Variants in ANKRD11 observed in about 807,000 individuals in gnomAD.
The protein encoded by ANKRD11 is ankyrin repeat domain 11, also known as ankyrin repeat domain-containing protein 11.
A neutral mutation model predicts 195.7 loss-of-function variants in ANKRD11; 17 were observed. The observed-to-expected ratio is 0.09, with a 90% CI of 0.06 to 0.13. The LOEUF (loss-of-function observed/expected upper bound fraction) is 0.13. Ranked by LOEUF, ANKRD11 falls within the 10% of genes least tolerant of loss-of-function variation. The pLI is 1.00. For synonymous variants in ANKRD11, 1,953 were observed against 1,528.1 expected (o/e 1.28, Z -6.49); for missense variants, 3,735 against 3,566.1 (o/e 1.05, Z -1.21).
chr16:89,370,170 G>A (rs1321045329), intron 2 of ANKRD11, among the ~76,000 whole-genome samples: 1 of 152,204 alleles, frequency 6.6e-6, no homozygotes, highest in Admixed American at 6.5e-5. Context: ...TCTTCCCCAC[G>A]CCCCTCCCTG....
At chr16:89,275,488 A>C (rs1376240178) in intron 9 of ANKRD11, among the ~76,000 whole-genome samples, 1 of 152,196 alleles carries the variant, frequency 6.6e-6, no homozygotes, top group Non-Finnish European at 1.5e-5. Context: ...GAGGGCCTGA[A>C]ACACCGGCAT....
chr16:89,368,371 GTTTTTTTT>G (rs71134210), intron 2 of ANKRD11, among the ~76,000 whole-genome samples: 11 of 56,596 alleles, frequency 1.9e-4, no homozygotes, highest in African/African-American at 3.9e-4. Context: ...TAATTTTTGT[GTTTTTTTT>G]TTTTTTTTTT....
At position 89,280,103 on chromosome 16, in the gene ANKRD11, C is replaced by G. The variant is rs1210721711; in HGVS notation, c.6439G>C (p.Asp2147His). Residue 2147 changes from aspartate (D) to histidine (H), a missense_variant, in exon 9 of 13, where the codon GAT (aspartate) becomes CAT (histidine). Coordinates refer to ENST00000301030, the MANE Select transcript of ANKRD11 (RefSeq NM_013275.6). ...SLPELPLQTK[D>H]AADGEAEPVE... The stretch of plus-strand genomic sequence containing the variant: ...GGTTCCGCTTCACCATCTGCGGCAT[C>G]TTTAGTCTGCAGGGGAAGCTCCGGC... 8 of 1,612,958 alleles carry G rather than the reference C, an allele frequency of 5.0e-6. No individual in the cohort carries two copies. Among genetic ancestry groups the G allele is most frequent in the Non-Finnish European group, 5.1e-6 (6 of 1,179,896 alleles).
At chr16:89,456,133 G>A (rs552782088) in intron 1 of ANKRD11, among the ~76,000 whole-genome samples, 10 of 152,074 alleles carry the variant, frequency 6.6e-5, no homozygotes, top group East Asian at 3.9e-4. Flanking sequence ...CCAGCTACCC[G>A]GGAGGCTAAG....
In ANKRD11 at chr16:89,342,030, CT is replaced by C. The variant is rs1198951159; in HGVS notation, c.-59-24953del. ...CCACGGCGGGAGTGCTGCACCTCCA[CT>C]GCCCACAGCGGCCACGGCCCACGGC... On this transcript the variant is annotated intron_variant, in intron 2 of 12. Coordinates refer to ENST00000301030, the MANE Select transcript of ANKRD11 (RefSeq NM_013275.6). Among the ~76,000 whole-genome samples, 306 of 76,344 alleles carry C rather than the reference CT, an allele frequency of 4.0e-3. 2 individuals are homozygous for C. The highest frequency in any genetic ancestry group is 0.038 in the East Asian group (101 of 2,628). The allele number at this position is 76,344 out of a possible 152,430, so 50.1% of individuals were successfully genotyped here. A position where few individuals can be genotyped will look rare whatever the true frequency, so the allele number is the denominator to read the frequency against.
chr16:89,315,531 C>A (rs936349171), intron 3 of ANKRD11, among the ~76,000 whole-genome samples: 1 of 152,224 alleles, frequency 6.6e-6, no homozygotes, highest in Non-Finnish European at 1.5e-5. Flanking sequence ...AGGCTTCACA[C>A]ACACGTGTGT....
chr16:89,310,300 G>C (rs1174359940), intron 3 of ANKRD11, among the ~76,000 whole-genome samples: 2 of 152,206 alleles, frequency 1.3e-5, no homozygotes, highest in East Asian at 1.9e-4. Flanking sequence ...TCACCCATGG[G>C]TCTGTCCTGC....
At chr16:89,415,130 T>G (rs907834366) in intron 2 of ANKRD11, among the ~76,000 whole-genome samples, 2 of 151,936 alleles carry the variant, frequency 1.3e-5, no homozygotes, top group Non-Finnish European at 2.9e-5. Flanking sequence ...ATTTTTTTAT[T>G]TTTTGTAGAG....
chr16:89,374,330 G>C (rs990853789), intron 2 of ANKRD11, among the ~76,000 whole-genome samples: 2 of 148,514 alleles, frequency 1.3e-5, no homozygotes, highest in Non-Finnish European at 3.0e-5. Flanking sequence ...CTCACCATGT[G>C]TTTTTGTAAA....
At chr16:89,268,911 G>A (rs757833973) in intron 12 of ANKRD11, among the ~76,000 whole-genome samples, 1 of 152,320 alleles carries the variant, frequency 6.6e-6, no homozygotes, top group East Asian at 1.9e-4. Context: ...GGCTCACCCT[G>A]GCCCGGGGGC....
chr16:89,375,007 A>G lies in ANKRD11; in HGVS notation c.-60+43277T>C, dbSNP rs953618814. 3.3e-5 allele frequency among the ~76,000 whole-genome samples: 5 copies of G among 152,166 alleles called. No individual in the cohort carries two copies. In the South Asian group the frequency reaches 6.2e-4, roughly 19 times the overall value. ...TCTATCATTTCCTACCATAAACTAT[A>G]CACAGATTATAAAAAATTAAACGCT... On this transcript the variant is annotated intron_variant, in intron 2 of 12. Coordinates refer to ENST00000301030, the MANE Select transcript of ANKRD11 (RefSeq NM_013275.6).
intron 11 of ANKRD11, chr16:89,271,548 C>T (rs1264992355): frequency 6.2e-6 from 1 of 160,758 alleles, no homozygotes; most frequent in Non-Finnish European, 1.4e-5. Context: ...ACAATGCCGT[C>T]TGTTTCTCAG....
chr16:89,302,643 G>C (rs546031568), intron 4 of ANKRD11, among the ~76,000 whole-genome samples: 36 of 152,290 alleles, frequency 2.4e-4, no homozygotes, highest in African/African-American at 8.4e-4. Flanking sequence ...ATCTTCCTAG[G>C]AAATCTAGTT....
intron 1 of ANKRD11, among the ~76,000 whole-genome samples, chr16:89,453,339 C>T (rs113433145): frequency 4.4e-4 from 67 of 152,262 alleles, no homozygotes; most frequent in African/African-American, 1.5e-3. Flanking sequence ...CAACTTCCAA[C>T]TTAAAATGGA....
At chr16:89,469,024 A>G (rs961449089) in intron 1 of ANKRD11, among the ~76,000 whole-genome samples, 1 of 152,162 alleles carries the variant, frequency 6.6e-6, no homozygotes, top group African/African-American at 2.4e-5. Flanking sequence ...TCAACCTCAT[A>G]AAGTGCCTTT....
At chr16:89,278,417 A>G in intron 9 of ANKRD11, 1 of 416,196 alleles carries the variant, frequency 2.4e-6, no homozygotes, top group Admixed American at 2.5e-5. Context: ...ATTTGGAGGG[A>G]TCTATTTTGG....
chr16:89,271,946 G>A (rs2033193859), intron 11 of ANKRD11: 1 of 151,978 alleles, frequency 6.6e-6, no homozygotes, highest in South Asian at 2.1e-4. Flanking sequence ...CAGTCAACAG[G>A]GTGAAAAGAC....
intron 2 of ANKRD11, among the ~76,000 whole-genome samples, chr16:89,328,569 G>A (rs2037860600): frequency 1.3e-5 from 2 of 150,602 alleles, no homozygotes. Context: ...CCTGCTGAGT[G>A]AGTGGACACA....
At chr16:89,378,095 A>C (rs1002579012) in intron 2 of ANKRD11, among the ~76,000 whole-genome samples, 1 of 152,140 alleles carries the variant, frequency 6.6e-6, no homozygotes, top group African/African-American at 2.4e-5. Context: ...CACACTTATA[A>C]TCCCAGTGCA....
Sources: allele counts gnomAD v4.1 joint callset (sites outside exome capture counted in the v4.1 genomes callset), GRCh38; gene constraint gnomAD v4.1.1; transcripts MANE v1.5; gene names NCBI Gene and HGNC (gene_info 2026-07-23, HGNC 2026-07-21).